The following VPS36 variants were observed in gnomAD, a reference collection of about 807,000 sequenced individuals.
VPS36 encodes the protein vacuolar protein sorting 36 homolog, also known as vacuolar protein-sorting-associated protein 36.
A neutral mutation model predicts 63.5 loss-of-function variants in VPS36; 31 were observed. The observed-to-expected ratio is 0.49, with a 90% CI of 0.37 to 0.66. The LOEUF is 0.66. Ranked by LOEUF, VPS36 falls within the 30% of genes least tolerant of loss-of-function variation. The pLI is 0.00. For missense variants in VPS36, 338 were observed against 463.7 expected, an observed-to-expected ratio of 0.73 and a Z score of 2.49; for synonymous variants, 138 against 157.2, an observed-to-expected ratio of 0.88 and a Z score of 0.91.
intron 3 of VPS36, among the ~76,000 whole-genome samples, chr13:52,437,568 G>A (rs1487510120): frequency 6.6e-6 from 1 of 152,156 alleles, no homozygotes; most frequent in Non-Finnish European, 1.5e-5. Flanking sequence ...AGCATAAAAA[G>A]TCTATGCCAA....
chr13:52,429,708 C>A (rs1958136604), intron 6 of VPS36, among the ~76,000 whole-genome samples: 1 of 151,952 alleles, frequency 6.6e-6, no homozygotes, highest in African/African-American at 2.4e-5. Context: ...CTATGTGACT[C>A]CAAAAAAATT....
rs554693185 is a variant in VPS36 at position 52,428,360 on chromosome 13, A to G, written c.529-1141T>C. Among the ~76,000 whole-genome samples the G allele has an allele frequency of 1.8e-4, 28 of 152,330 alleles. No individual in the cohort carries two copies. The East Asian group carries it at 5.0e-3, about 27-fold the overall frequency. On this transcript the variant is annotated intron_variant, in intron 6 of 13. Coordinates refer to ENST00000378060, the MANE Select transcript of VPS36 (RefSeq NM_016075.4). ...CAGTCCATATGGTGGTCTGAAACAT[A>G]TAATAGTGGCTCTGATCAGCTTATG...
At chr13:52,433,075 T>C (rs1958176414) in intron 6 of VPS36, among the ~76,000 whole-genome samples, 1 of 152,350 alleles carries the variant, frequency 6.6e-6, no homozygotes, top group Non-Finnish European at 1.5e-5. Flanking sequence ...CTGTATTAAC[T>C]AATTACAGAA....
intron 1 of VPS36, among the ~76,000 whole-genome samples, chr13:52,449,382 TA>T (rs1254621279): frequency 6.6e-6 from 1 of 152,148 alleles, no homozygotes; most frequent in Non-Finnish European, 1.5e-5. Context: ...GCTAAGGCAG[TA>T]AGTGAAGTTA....
chr13:52,413,977 A>G lies in VPS36; in HGVS notation c.*1853T>C, dbSNP rs922621327. The G allele has an allele frequency of 1.3e-5, 2 of 152,164 alleles. No homozygotes were observed. Among genetic ancestry groups the G allele is most frequent in the African/African-American group, 4.8e-5 (2 of 41,428 alleles). The allele number at this position is 152,164 out of a possible 1,614,324, so 9.4% of individuals were successfully genotyped here. The stretch of plus-strand genomic sequence containing the variant: ...TTTCTTCCTTCTTAAGTTATTTTAT[A>G]CAATTCAGATTGCTCCATTTTTTTT... On this transcript the variant is annotated 3_prime_UTR_variant, in exon 14 of 14. Transcript: ENST00000378060.
At chr13:52,443,533 T>C (rs1958303118) in intron 1 of VPS36, among the ~76,000 whole-genome samples, 1 of 151,806 alleles carries the variant, frequency 6.6e-6, no homozygotes, top group Non-Finnish European at 1.5e-5. Context: ...CCAGGAAGAG[T>C]GCCCTTACCA....
In VPS36 at chr13:52,417,056, C is replaced by G. The variant is rs759222259; in HGVS notation, c.990+1G>C. The G allele has an allele frequency of 1.2e-6, 2 of 1,613,342 alleles. No individual in the cohort carries two copies. Among genetic ancestry groups the G allele is most frequent in the East Asian group, 4.5e-5 (2 of 44,884 alleles). On this transcript the variant is annotated splice_donor_variant, in intron 12 of 13. Transcript: ENST00000378060. LOFTEE classifies it high-confidence loss of function. ...GACTGGAGAAAATCGGCTTCACATA[C>G]TGTCTCCAGGGCCGAGGCCACCATT...
chr13:52,427,936 T>C (rs935479242), intron 6 of VPS36, among the ~76,000 whole-genome samples: 3 of 152,196 alleles, frequency 2.0e-5, no homozygotes, highest in African/African-American at 7.2e-5. Context: ...CTTTCCTGGT[T>C]GAAAATGGCA....
At chr13:52,449,562 G>C (rs996330746) in intron 1 of VPS36, among the ~76,000 whole-genome samples, 6 of 152,146 alleles carry the variant, frequency 3.9e-5, no homozygotes, top group African/African-American at 1.4e-4. Flanking sequence ...TTATATCAAA[G>C]TACAGCGGAA....
chr13:52,433,770 A>G (rs754399616), intron 5 of VPS36, 22 bp from the exon 6 acceptor site: 27 of 1,577,770 alleles, frequency 1.7e-5, no homozygotes, highest in Admixed American at 5.7e-5. Flanking sequence ...AAGAGGTAGA[A>G]AATAAAACAT....
At chr13:52,428,186 C>T (rs1174685919) in intron 6 of VPS36, among the ~76,000 whole-genome samples, 1 of 152,086 alleles carries the variant, frequency 6.6e-6, no homozygotes, top group Non-Finnish European at 1.5e-5. Context: ...CAAAAAACTA[C>T]TTCAAAGGCC....
chr13:52,424,683 G>C (rs1416352438), intron 9 of VPS36, among the ~76,000 whole-genome samples: 7 of 152,076 alleles, frequency 4.6e-5, no homozygotes, highest in Non-Finnish European at 1.0e-4. Context: ...CAGACCAACT[G>C]TAAGAGAAAA....
chr13:52,421,023 AAGCACAAGAATTGC>A (rs1958040611), intron 10 of VPS36, among the ~76,000 whole-genome samples: 1 of 152,168 alleles, frequency 6.6e-6, no homozygotes, highest in African/African-American at 2.4e-5. Flanking sequence ...TGAGAAGCTG[AAGCACAAGAATTGC>A]TTGAACCCGG....
chr13:52,427,241 G>A, intron 6 of VPS36, 22 bp from the exon 7 acceptor site: 1 of 1,611,220 alleles, frequency 6.2e-7, no homozygotes, highest in Non-Finnish European at 8.5e-7. Flanking sequence ...AATGAATTTT[G>A]GTTGAAATCC....
chr13:52,415,746 T>C lies in VPS36; in HGVS notation c.*84A>G. 2.5e-6 allele frequency: 3 copies of C among 1,219,034 alleles called. No homozygotes were observed. Among genetic ancestry groups the C allele is most frequent in the Non-Finnish European group, 3.6e-6 (3 of 843,768 alleles). 75.5% of individuals were successfully genotyped at this position (1,219,034 alleles called of 1,614,324 possible). On this transcript the variant is annotated 3_prime_UTR_variant, in exon 14 of 14. Coordinates refer to ENST00000378060, the MANE Select transcript of VPS36 (RefSeq NM_016075.4). ...GAAGTTCCAATAAATTCTCAATTGA[T>C]CGGGGTTTATCTCTTAGCTCAATGT...
At chr13:52,425,806 G>GA (rs371686906) in intron 9 of VPS36, 126 bp downstream of exon 9, 21,224 of 911,662 alleles carry the variant, frequency 0.023, 18 homozygotes, top group Middle Eastern at 0.042. Flanking sequence ...ATACCTGAAA[G>GA]AAAAAAAAAA....
At chr13:52,417,030 A>T (rs1198637468) in intron 12 of VPS36, 27 bp downstream of exon 12, 7 of 1,607,832 alleles carry the variant, frequency 4.4e-6, no homozygotes, top group Non-Finnish European at 6.0e-6. Context: ...CAAGCTCTAA[A>T]GACTGGAGAA....
intron 10 of VPS36, among the ~76,000 whole-genome samples, chr13:52,421,856 C>T (rs954704113): frequency 3.3e-5 from 5 of 151,982 alleles, no homozygotes; most frequent in African/African-American, 1.2e-4. Context: ...TAATATCTTA[C>T]ATATTTATGG....
chr13:52,449,253 A>T (rs1321546705), intron 1 of VPS36, among the ~76,000 whole-genome samples: 1 of 152,166 alleles, frequency 6.6e-6, no homozygotes, highest in Non-Finnish European at 1.5e-5. Flanking sequence ...CTGAGGCAGG[A>T]TCTTGAATCT....
Sources: allele counts gnomAD v4.1 joint callset (sites outside exome capture counted in the v4.1 genomes callset), GRCh38; gene constraint gnomAD v4.1.1; transcripts MANE v1.5; gene names NCBI Gene and HGNC (gene_info 2026-07-23, HGNC 2026-07-21).